PRKN: variants seen among roughly 807,000 people sequenced by gnomAD.
PRKN encodes E3 ubiquitin-protein ligase parkin.
Under a neutral mutation model 59.5 loss-of-function variants are expected in PRKN, and 56 were observed. That is an observed-to-expected ratio of 0.94 (90% CI 0.76 to 1.18). The LOEUF (loss-of-function observed/expected upper bound fraction) is 1.18, where lower values mean the gene tolerates loss of function less well. Among genes scored for constraint, PRKN ranks in the 50% most tolerant of loss-of-function variants. PRKN has a pLI of 0.00. For synonymous variants in PRKN, 250 were observed against 222.1 expected, an observed-to-expected ratio of 1.13 and a Z score of -1.12; for missense variants, 657 against 596.4, an observed-to-expected ratio of 1.10 and a Z score of -1.06.
At chr6:162,181,699 T>A (rs1350807062) in intron 4 of PRKN, among the ~76,000 whole-genome samples, 3 of 152,094 alleles carry the variant, frequency 2.0e-5, no homozygotes, top group African/African-American at 7.2e-5. Flanking sequence ...TAAGTAGGAA[T>A]CACTAAGTGG....
At chr6:162,643,977 C>T (rs1246301440) in intron 1 of PRKN, 2 of 152,126 alleles carry the variant, frequency 1.3e-5, no homozygotes, top group Non-Finnish European at 2.9e-5. Context: ...TACATTTAAT[C>T]TTTCTTAGAT....
intron 7 of PRKN, among the ~76,000 whole-genome samples, chr6:161,634,458 G>A (rs947162157): frequency 1.3e-5 from 2 of 152,192 alleles, no homozygotes; most frequent in South Asian, 2.1e-4. Flanking sequence ...ACAAGAAAGT[G>A]TGTTCTTAGG....
intron 9 of PRKN, among the ~76,000 whole-genome samples, chr6:161,509,914 A>G (rs1449604353): frequency 6.6e-6 from 1 of 150,746 alleles, no homozygotes; most frequent in Non-Finnish European, 1.5e-5. Context: ...GTTAAGCCAC[A>G]AATCGATATT....
chr6:162,124,015 A>C (rs961954294), intron 4 of PRKN, among the ~76,000 whole-genome samples: 3 of 152,126 alleles, frequency 2.0e-5, no homozygotes, highest in Admixed American at 6.5e-5. Context: ...TCACTCTGGC[A>C]GCAGCACACA....
Position 162,528,138 on chromosome 6 carries a change from C to T in PRKN, c.8-84665G>A, listed in dbSNP as rs545857176. 1.7e-3 allele frequency among the ~76,000 whole-genome samples: 265 copies of T among 151,912 alleles called. 3 individuals are homozygous for T. Among genetic ancestry groups the T allele is most frequent in the African/African-American group, 6.1e-3 (253 of 41,386 alleles). ...GACTTCAAGACCAGCCTGGCTAACA[C>T]GGTGAAACCCTGTTTCTACTAAAAA... On this transcript the variant is annotated intron_variant, in intron 1 of 11. Coordinates refer to ENST00000366898, the MANE Select transcript of PRKN (RefSeq NM_004562.3).
intron 7 of PRKN, among the ~76,000 whole-genome samples, chr6:161,768,648 C>T (rs1290428883): frequency 6.6e-6 from 1 of 152,186 alleles, no homozygotes; most frequent in Non-Finnish European, 1.5e-5. Flanking sequence ...GAACCATAGT[C>T]TGGAGTCCAC....
chr6:162,643,164 G>A (rs1192801227), intron 1 of PRKN, among the ~76,000 whole-genome samples: 1 of 152,102 alleles, frequency 6.6e-6, no homozygotes, highest in African/African-American at 2.4e-5. Flanking sequence ...TTGGGAGGCT[G>A]AGGTGGGTGG....
intron 4 of PRKN, among the ~76,000 whole-genome samples, chr6:162,110,113 T>C (rs1780360565): frequency 6.6e-6 from 1 of 152,194 alleles, no homozygotes; most frequent in Admixed American, 6.5e-5. Flanking sequence ...GTGTGTACTA[T>C]GGGATAAAAG....
intron 1 of PRKN, among the ~76,000 whole-genome samples, chr6:162,679,565 T>A (rs2128232302): frequency 6.6e-6 from 1 of 152,324 alleles, no homozygotes; most frequent in African/African-American, 2.4e-5. Flanking sequence ...CATTTAAGTC[T>A]ATTGTTTGAA....
At chr6:161,602,157 CTATCT>C (rs1289199975) in intron 7 of PRKN, among the ~76,000 whole-genome samples, 1 of 150,418 alleles carries the variant, frequency 6.6e-6, no homozygotes, top group African/African-American at 2.5e-5. Context: ...ATTTACCTAC[CTATCT>C]TATCTATGTA....
intron 7 of PRKN, among the ~76,000 whole-genome samples, chr6:161,765,797 A>G (rs1374560751): frequency 6.6e-6 from 1 of 152,234 alleles, no homozygotes; most frequent in African/African-American, 2.4e-5. Context: ...TTAGTTATAT[A>G]TGAACAATAA....
At chr6:161,930,764 G>A (rs1779144012) in intron 6 of PRKN, among the ~76,000 whole-genome samples, 1 of 152,182 alleles carries the variant, frequency 6.6e-6, no homozygotes, top group South Asian at 2.1e-4. Flanking sequence ...AATCACTTAG[G>A]TAGTAGCAAT....
At chr6:161,865,582 G>A (rs1204059132) in intron 6 of PRKN, among the ~76,000 whole-genome samples, 1 of 152,200 alleles carries the variant, frequency 6.6e-6, no homozygotes, top group Non-Finnish European at 1.5e-5. Context: ...GCTTCACCTT[G>A]AACTTTCATA....
intron 2 of PRKN, among the ~76,000 whole-genome samples, chr6:162,332,311 T>C (rs1783620359): frequency 6.6e-6 from 1 of 152,202 alleles, no homozygotes; most frequent in African/African-American, 2.4e-5. Context: ...AAAGGTTTTA[T>C]TTCTCCATGT....
intron 2 of PRKN, among the ~76,000 whole-genome samples, chr6:162,355,650 G>A (rs141053337): frequency 1.3e-3 from 191 of 151,968 alleles, no homozygotes; most frequent in African/African-American, 4.4e-3. Context: ...AAGCAGGAAA[G>A]TGGGTTGGAG....
rs1440324823 is a variant in PRKN at position 161,525,986 on chromosome 6, G to GT, written c.1083+22867dup. 6.6e-6 allele frequency among the ~76,000 whole-genome samples: 1 copy of GT among 152,112 alleles called. No individual in the cohort carries two copies. The highest frequency in any genetic ancestry group is 6.6e-5 in the Admixed American group (1 of 15,264). The stretch of plus-strand genomic sequence containing the variant: ...ACAGAAAAGATTAACTGAAAGATAG[G>GT]TTTAAGTTGCCTGTAACCCAAATCT... On this transcript the variant is annotated intron_variant, in intron 9 of 11. Coordinates refer to ENST00000366898, the MANE Select transcript of PRKN (RefSeq NM_004562.3). This position sits in a 1 kb window ranked among gnomAD's most constrained non-coding sequence, Gnocchi z 4.7.
chr6:161,447,745 G>A lies in PRKN; in HGVS notation c.1084-60868C>T, dbSNP rs528317727. Among the ~76,000 whole-genome samples the A allele has an allele frequency of 6.6e-6, 1 of 152,190 alleles. No homozygotes were observed. Among genetic ancestry groups the A allele is most frequent in the South Asian group, 2.1e-4 (1 of 4,824 alleles). On this transcript the variant is annotated intron_variant, in intron 9 of 11. Transcript: ENST00000366898. The surrounding 1 kb of genome is among the most constrained non-coding windows in gnomAD (Gnocchi z 4.1). ...CCTGACCTCATGATCAGCCCGCCTC[G>A]GCCTCCCAATGTGCTGGGATTACAG...
intron 9 of PRKN, among the ~76,000 whole-genome samples, chr6:161,476,752 A>C (rs551691556): frequency 1.2e-3 from 188 of 152,330 alleles, no homozygotes; most frequent in African/African-American, 4.4e-3. Flanking sequence ...TGCTGGAATT[A>C]GTGTGGAATT....
At chr6:161,668,235 A>G (rs1427528697) in intron 7 of PRKN, among the ~76,000 whole-genome samples, 3 of 151,680 alleles carry the variant, frequency 2.0e-5, no homozygotes, top group African/African-American at 7.2e-5. Flanking sequence ...CCCATTAAAA[A>G]AAAAAAGAAG....
Sources: allele counts gnomAD v4.1 joint callset (sites outside exome capture counted in the v4.1 genomes callset), GRCh38; gene constraint gnomAD v4.1.1; non-coding constraint Gnocchi (gnomAD v3.1); transcripts MANE v1.5; gene names NCBI Gene and HGNC (gene_info 2026-07-23, HGNC 2026-07-21).